The following FLRT2 variants were observed in gnomAD, a reference collection of about 807,000 sequenced individuals.
FLRT2 encodes fibronectin leucine rich transmembrane protein 2.
A neutral mutation model predicts 40.0 loss-of-function variants in FLRT2; 15 were observed. The ratio of observed to expected loss-of-function variants is 0.38; its 90% CI spans 0.25 to 0.58. FLRT2 has a LOEUF of 0.58. Ranked by LOEUF, FLRT2 falls within the 20% of genes least tolerant of loss-of-function variation. The pLI is 0.71. For missense variants in FLRT2, 726 were observed against 840.0 expected (o/e 0.86, Z 1.68); for synonymous variants, 380 against 336.8 (o/e 1.13, Z -1.41).
chr14:85,578,955 C>T (rs1891260961), intron 1 of FLRT2, among the ~76,000 whole-genome samples: 1 of 152,166 alleles, frequency 6.6e-6, no homozygotes, highest in Non-Finnish European at 1.5e-5. Context: ...ACACATCTCT[C>T]CCAGTTGGAG....
chr14:85,623,401 C>T lies in FLRT2; in HGVS notation c.1887C>T (p.Thr629=). 1.3e-6 allele frequency: 2 copies of T among 1,509,198 alleles called. No homozygotes were observed. Among genetic ancestry groups the T allele is most frequent in the Non-Finnish European group, 1.8e-6 (2 of 1,131,760 alleles). 93.5% of individuals were successfully genotyped at this position (1,509,198 alleles called of 1,614,324 possible). ...ATTTCAGACTGCAGCCCATTTACAC[C>T]CCAAATGGGGGCATTAATTACACAG... is the stretch of plus-strand genomic sequence containing the variant. ...KGDFRLQPIY[T]PNGGINYTDC... The change falls in exon 2 of 2, where the codon ACC becomes ACT. Residue 629 remains threonine (T), a synonymous_variant. Transcript: ENST00000330753.
At position 85,653,730 on chromosome 14, in the gene FLRT2, C is replaced by A. The variant is rs1281011172; in HGVS notation, c.*30233C>A. On this transcript the variant is annotated 3_prime_UTR_variant, in exon 2 of 2. Coordinates refer to ENST00000330753, the MANE Select transcript of FLRT2 (RefSeq NM_013231.6). ...TTGGTTGTGTCACTTAACCTCTGTG[C>A]TCTTCTAAGCTCCATTCCTGGCTTG... The A allele has an allele frequency of 6.6e-6, 1 of 152,138 alleles. No individual in the cohort carries two copies. Among genetic ancestry groups the A allele is most frequent in the Non-Finnish European group, 1.5e-5 (1 of 68,036 alleles). 9.4% of individuals were successfully genotyped at this position (152,138 alleles called of 1,614,324 possible).
At chr14:85,584,533 C>A (rs905611660) in intron 1 of FLRT2, among the ~76,000 whole-genome samples, 4 of 152,176 alleles carry the variant, frequency 2.6e-5, no homozygotes, top group African/African-American at 4.8e-5. Flanking sequence ...TCTTTCTCCT[C>A]TTGGTGTCTT....
In FLRT2 at chr14:85,622,823, A is replaced by C. The variant is rs1461783472; in HGVS notation, c.1309A>C (p.Ile437Leu). 6.2e-7 allele frequency: 1 copy of C among 1,614,202 alleles called. No homozygotes were observed. Among genetic ancestry groups the C allele is most frequent in the Admixed American group, 1.7e-5 (1 of 60,030 alleles). The change falls in exon 2 of 2, where the codon ATT (isoleucine) becomes CTT (leucine). Residue 437 changes from isoleucine (I) to leucine (L), a missense_variant. Ile to Leu is a conservative substitution (Grantham distance 5, BLOSUM62 2). Around this residue, in one of 3 missense-constraint regions of FLRT2, gnomAD observed 611 missense variants for 690.0 expected, o/e 0.89. Transcript: ENST00000330753. The stretch of plus-strand genomic sequence containing the variant: ...TATCCATTTTGTGAATGATACTTCC[A>C]TTCAAGTCAGCTGGCTCTCTCTCTT... The part of the protein sequence containing the change: ...LSIHFVNDTS[I>L]QVSWLSLFTV...
chr14:85,614,103 C>T (rs1282106835), intron 1 of FLRT2, among the ~76,000 whole-genome samples: 3 of 151,984 alleles, frequency 2.0e-5, no homozygotes, highest in Admixed American at 1.3e-4. Flanking sequence ...CTCTAACAAC[C>T]GTGAAATATT....
Position 85,623,396 on chromosome 14 carries a change from T to C in FLRT2, c.1882T>C (p.Tyr628His), listed in dbSNP as rs760735956. Residue 628 changes from tyrosine (Y) to histidine (H), a missense_variant, in exon 2 of 2, where the codon TAC becomes CAC. Around this residue, in one of 3 missense-constraint regions of FLRT2, gnomAD observed 611 missense variants for 690.0 expected, o/e 0.89. Transcript: ENST00000330753. ...AGGAGATTTCAGACTGCAGCCCATT[T>C]ACACCCCAAATGGGGGCATTAATTA... is the stretch of plus-strand genomic sequence containing the variant. ...LKGDFRLQPI[Y>H]TPNGGINYTD... 6.6e-7 allele frequency: 1 copy of C among 1,515,102 alleles called. No homozygotes were observed. The highest frequency in any genetic ancestry group is 8.8e-7 in the Non-Finnish European group (1 of 1,134,726). The allele number at this position is 1,515,102 out of a possible 1,614,324, so 93.9% of individuals were successfully genotyped here. A position where few individuals can be genotyped will look rare whatever the true frequency, so the allele number is the denominator to read the frequency against.
chr14:85,540,913 A>C (rs1368462701), intron 1 of FLRT2, among the ~76,000 whole-genome samples: 1 of 152,192 alleles, frequency 6.6e-6, no homozygotes, highest in African/African-American at 2.4e-5. Flanking sequence ...GAGGTCTACT[A>C]ATAAAATGAG....
At chr14:85,597,578 T>C (rs1892195673) in intron 1 of FLRT2, among the ~76,000 whole-genome samples, 1 of 152,304 alleles carries the variant, frequency 6.6e-6, no homozygotes, top group South Asian at 2.1e-4. Flanking sequence ...TTACTTAAGA[T>C]GGAGTTTTGC....
Position 85,644,025 on chromosome 14 carries a change from G to A in FLRT2, c.*20528G>A, listed in dbSNP as rs915625159. The A allele has an allele frequency of 3.9e-5, 6 of 152,146 alleles. No individual in the cohort carries two copies. The highest frequency in any genetic ancestry group is 8.8e-5 in the Non-Finnish European group (6 of 68,024). 9.4% of individuals were successfully genotyped at this position (152,146 alleles called of 1,614,324 possible). On this transcript the variant is annotated 3_prime_UTR_variant, in exon 2 of 2. Coordinates refer to ENST00000330753, the MANE Select transcript of FLRT2 (RefSeq NM_013231.6). ...ATTGTGCAAATGAAGGAAAGATGCA[G>A]GTTTGGCAAATTGAAGCCAGACTAA...
At chr14:85,568,087 T>G (rs2139856650) in intron 1 of FLRT2, among the ~76,000 whole-genome samples, 1 of 152,078 alleles carries the variant, frequency 6.6e-6, no homozygotes, top group Admixed American at 6.5e-5. Context: ...ATTAGCTGTT[T>G]TTGTTCTGCT....
Position 85,641,884 on chromosome 14 carries a change from A to AT in FLRT2, c.*18389dup, listed in dbSNP as rs1347883779. On this transcript the variant is annotated 3_prime_UTR_variant, in exon 2 of 2. Coordinates refer to ENST00000330753, the MANE Select transcript of FLRT2 (RefSeq NM_013231.6). ...GAAAAAAAAATCAGCAGCTGAAATT[A>AT]TTACCTGAGATCACCTGGAATGAAG... is the stretch of plus-strand genomic sequence containing the variant. 1 of 152,142 alleles carries AT rather than the reference A, an allele frequency of 6.6e-6. No homozygotes were observed. The highest frequency in any genetic ancestry group is 1.5e-5 in the Non-Finnish European group (1 of 68,036). The allele number at this position is 152,142 out of a possible 1,614,324, so 9.4% of individuals were successfully genotyped here.
intron 1 of FLRT2, among the ~76,000 whole-genome samples, chr14:85,599,266 T>A (rs1442620039): frequency 6.7e-6 from 1 of 149,510 alleles, no homozygotes. Context: ...TGCAAACAGC[T>A]TTTGATCCTA....
chr14:85,599,567 A>T (rs1333152691), intron 1 of FLRT2, among the ~76,000 whole-genome samples: 1 of 152,300 alleles, frequency 6.6e-6, no homozygotes, highest in South Asian at 2.1e-4. Flanking sequence ...TCTATACCAC[A>T]TTGGATTGAA....
At position 85,630,781 on chromosome 14, in the gene FLRT2, C is replaced by T. The variant is rs1893847675; in HGVS notation, c.*7284C>T. 6.6e-6 allele frequency: 1 copy of T among 152,054 alleles called. No individual in the cohort carries two copies. The highest frequency in any genetic ancestry group is 1.5e-5 in the Non-Finnish European group (1 of 68,072). The allele number at this position is 152,054 out of a possible 1,614,324, so 9.4% of individuals were successfully genotyped here. On this transcript the variant is annotated 3_prime_UTR_variant, in exon 2 of 2. Coordinates refer to ENST00000330753, the MANE Select transcript of FLRT2 (RefSeq NM_013231.6). The stretch of plus-strand genomic sequence containing the variant: ...TAATCAGCCTAGGATTCTGCTAGTT[C>T]CAGCACCAGAGTGGCCTCTCAAATG...
intron 1 of FLRT2, among the ~76,000 whole-genome samples, chr14:85,570,994 G>A (rs897412653): frequency 6.6e-6 from 1 of 152,074 alleles, no homozygotes. Context: ...TAAAGCTTCT[G>A]TTACTTAAAG....
Position 85,622,185 on chromosome 14 carries a change from G to A in FLRT2, c.671G>A (p.Gly224Asp), listed in dbSNP as rs752451435. 8 of 1,614,066 alleles carry A rather than the reference G, an allele frequency of 5.0e-6. No homozygotes were observed. Among genetic ancestry groups the A allele is most frequent in the African/African-American group, 2.7e-5 (2 of 75,012 alleles). The change falls in exon 2 of 2, where the codon GGC becomes GAC. Residue 224 changes from glycine to aspartate, a missense_variant. Transcript: ENST00000330753. ...CTGACCAACAAGGGTATCGCCGAGG[G>A]CACCTTCAGCCATCTCACCAAGCTC... ...NLLTNKGIAE[G>D]TFSHLTKLKE...
chr14:85,597,962 A>G (rs1455252598), intron 1 of FLRT2, among the ~76,000 whole-genome samples: 1 of 152,204 alleles, frequency 6.6e-6, no homozygotes, highest in South Asian at 2.1e-4. Flanking sequence ...AGTCAGAAAC[A>G]TAATTGTCTG....
In FLRT2 at chr14:85,621,568, T is replaced by A. The variant is rs1235348893; in HGVS notation, c.54T>A (p.Ser18=). ...WPSHGAFFLK[S]WLIISLGLYS... ...GCCATGGGGCTTTTTTCCTGAAGTC[T>A]TGGCTTATCATTTCCCTGGGGCTCT... Residue 18 remains serine, a synonymous_variant, in exon 2 of 2, where the codon TCT becomes TCA. Coordinates refer to ENST00000330753, the MANE Select transcript of FLRT2 (RefSeq NM_013231.6). 55 of 1,614,172 alleles carry A rather than the reference T, an allele frequency of 3.4e-5. No homozygotes were observed. Among genetic ancestry groups the A allele is most frequent in the Non-Finnish European group, 4.7e-5 (55 of 1,180,022 alleles).
chr14:85,640,388 A>G lies in FLRT2; in HGVS notation c.*16891A>G, dbSNP rs768127805. On this transcript the variant is annotated 3_prime_UTR_variant, in exon 2 of 2. Coordinates refer to ENST00000330753, the MANE Select transcript of FLRT2 (RefSeq NM_013231.6). ...ATGCAATTATTAGTTTTTAATAAAG[A>G]TCGTGACCAAGCTTTCCTTGGGAAG... 2 of 152,236 alleles carry G rather than the reference A, an allele frequency of 1.3e-5. No individual in the cohort carries two copies. The highest frequency in any genetic ancestry group is 2.9e-5 in the Non-Finnish European group (2 of 68,050). The allele number at this position is 152,236 out of a possible 1,614,324, so 9.4% of individuals were successfully genotyped here.
Sources: gnomAD v4.1 joint callset for allele counts (sites outside exome capture counted in the v4.1 genomes callset) on GRCh38, gnomAD v4.1.1 for gene constraint, gnomAD v4.1.1 regional missense constraint, MANE v1.5 for transcripts, NCBI Gene and HGNC (gene_info 2026-07-23, HGNC 2026-07-21) for gene names.